Variants in RC3H2 observed in about 807,000 individuals in gnomAD.
The protein encoded by RC3H2 is roquin-2.
A neutral mutation model predicts 133.3 loss-of-function variants in RC3H2; 31 were observed. That is an observed-to-expected ratio of 0.23 (90% CI 0.17 to 0.31). The LOEUF (loss-of-function observed/expected upper bound fraction) is 0.31, where lower values mean the gene tolerates loss of function less well. Ranked by LOEUF, RC3H2 falls within the 10% of genes least tolerant of loss-of-function variation. The pLI is 1.00. For missense variants in RC3H2, 1,175 were observed against 1,437.2 expected, an observed-to-expected ratio of 0.82 and a Z score of 2.95; for synonymous variants, 517 against 502.2, an observed-to-expected ratio of 1.03 and a Z score of -0.40.
intron 9 of RC3H2, chr9:122,874,622 A>G (rs1327719356): frequency 1.3e-5 from 2 of 152,338 alleles, no homozygotes; most frequent in Admixed American, 1.3e-4. Flanking sequence ...AGTTCAAGCA[A>G]TCCTCCCACC....
At chr9:122,869,265 T>C (rs1281186008) in intron 9 of RC3H2, among the ~76,000 whole-genome samples, 1 of 152,154 alleles carries the variant, frequency 6.6e-6, no homozygotes, top group Non-Finnish European at 1.5e-5. Flanking sequence ...AGACTATACA[T>C]ATTTGGTGTC....
At position 122,902,838 on chromosome 9, in the gene RC3H2, G is replaced by A. The variant is rs867931974; in HGVS notation, c.-68+2272C>T. ...TGCACTCCAGCATGGGTGATAGAGA[G>A]AGACTGTCTCAAAAAAAAAAAAAAA... On this transcript the variant is annotated intron_variant, in intron 1 of 20. Transcript: ENST00000357244. Among the ~76,000 whole-genome samples the A allele has an allele frequency of 2.0e-4, 28 of 138,548 alleles. No individual in the cohort carries two copies. The South Asian group carries it at 6.1e-3, about 30-fold the overall frequency. The allele number at this position is 138,548 out of a possible 152,430, so 90.9% of individuals were successfully genotyped here.
At position 122,846,148 on chromosome 9, in the gene RC3H2, A is replaced by AT. The variant is rs1401932120; in HGVS notation, c.*3478dup. 2.0e-5 allele frequency: 3 copies of AT among 152,162 alleles called. No homozygotes were observed. Among genetic ancestry groups the AT allele is most frequent in the Non-Finnish European group, 4.4e-5 (3 of 68,014 alleles). 9.4% of individuals were successfully genotyped at this position (152,162 alleles called of 1,614,324 possible). ...CCTACAAATTGCCGTGCATCCTGTA[A>AT]TTTTCTCAAGGCAGCATATAAAATT... On this transcript the variant is annotated 3_prime_UTR_variant, in exon 21 of 21. Transcript: ENST00000357244.
chr9:122,869,702 A>G (rs529585258), intron 9 of RC3H2, among the ~76,000 whole-genome samples: 3 of 151,820 alleles, frequency 2.0e-5, no homozygotes, highest in Admixed American at 6.6e-5. Context: ...ACAGGTGCAC[A>G]TTATAGGCGC....
intron 20 of RC3H2, among the ~76,000 whole-genome samples, chr9:122,850,698 A>T (rs1223508124): frequency 6.6e-6 from 1 of 152,066 alleles, no homozygotes; most frequent in Non-Finnish European, 1.5e-5. Flanking sequence ...CAGCCTTCCA[A>T]AGTGCTGGGA....
At chr9:122,873,943 G>A (rs148448704) in intron 9 of RC3H2, 12,513 of 151,954 alleles carry the variant, frequency 0.082, 1,656 homozygotes, top group East Asian at 0.6. Flanking sequence ...TCAGCCTCCC[G>A]AGCAGCTGGG....
At chr9:122,896,837 A>G (rs1464491935) in intron 2 of RC3H2, among the ~76,000 whole-genome samples, 2 of 151,958 alleles carry the variant, frequency 1.3e-5, no homozygotes, top group African/African-American at 2.4e-5. Flanking sequence ...AGCCTGGCCA[A>G]CATAGTGAAA....
rs1387976668 is a variant in RC3H2, at chr9:122,844,927, ATTATT to A, written c.*4695_*4699del. 2 of 152,232 alleles carry A rather than the reference ATTATT, an allele frequency of 1.3e-5. No homozygotes were observed. The highest frequency in any genetic ancestry group is 2.4e-5 in the African/African-American group (1 of 41,454). 9.4% of individuals were successfully genotyped at this position (152,232 alleles called of 1,614,324 possible). A position where few individuals can be genotyped will look rare whatever the true frequency, so the allele number is the denominator to read the frequency against. Reference sequence around the variant, plus strand: ...TATATTCCCCATTTCATTGTACAGAATTATTTTAAATTATAGTTTTAAATAGAAGC... The same window carrying A: ...TATATTCCCCATTTCATTGTACAGAATTAAATTATAGTTTTAAATAGAAGC... On this transcript the variant is annotated 3_prime_UTR_variant, in exon 21 of 21. Coordinates refer to ENST00000357244, the MANE Select transcript of RC3H2 (RefSeq NM_001100588.3).
At chr9:122,866,634 T>C (rs1260109054) in intron 9 of RC3H2, among the ~76,000 whole-genome samples, 1 of 152,148 alleles carries the variant, frequency 6.6e-6, no homozygotes, top group Non-Finnish European at 1.5e-5. Context: ...CTCCAGCTCC[T>C]AGCCGCGAGT....
chr9:122,854,354 C>T (rs894187816), intron 16 of RC3H2, 88 bp from the exon 17 acceptor site: 2 of 1,300,558 alleles, frequency 1.5e-6, no homozygotes, highest in Non-Finnish European at 2.2e-6. Flanking sequence ...TGTGACAGAT[C>T]AACCCTGAAA....
At chr9:122,893,112 G>T (rs1282497040) in intron 2 of RC3H2, 86 bp from the exon 3 acceptor site, 1 of 1,497,718 alleles carries the variant, frequency 6.7e-7, no homozygotes, top group Non-Finnish European at 8.9e-7. Context: ...AATAATCTTG[G>T]TGAGTATAAA....
intron 8 of RC3H2, among the ~76,000 whole-genome samples, chr9:122,878,431 C>T (rs956655036): frequency 3.3e-5 from 5 of 152,028 alleles, no homozygotes; most frequent in Admixed American, 6.6e-5. Flanking sequence ...CCACCACGCC[C>T]GGCTAATTTT....
intron 9 of RC3H2, among the ~76,000 whole-genome samples, chr9:122,870,413 CAAAA>C (rs1192325454): frequency 5.0e-4 from 19 of 37,820 alleles, no homozygotes; most frequent in African/African-American, 1.5e-3. Flanking sequence ...AACAAACAAA[CAAAA>C]AAAAAACAAC....
At chr9:122,887,166 G>A (rs1831952423) in intron 4 of RC3H2, among the ~76,000 whole-genome samples, 1 of 152,138 alleles carries the variant, frequency 6.6e-6, no homozygotes, top group African/African-American at 2.4e-5. Context: ...ATTTGGGGAT[G>A]TAAAATTGTG....
intron 18 of RC3H2, among the ~76,000 whole-genome samples, chr9:122,852,164 T>C (rs1402356104): frequency 1.5e-5 from 2 of 134,154 alleles, no homozygotes; most frequent in Non-Finnish European, 3.1e-5. Context: ...GTCTGGGATG[T>C]GAGGAATGCC....
At position 122,845,372 on chromosome 9, in the gene RC3H2, T is replaced by G. The variant is rs564425858; in HGVS notation, c.*4255A>C. 9.9e-5 allele frequency: 15 copies of G among 152,266 alleles called. No individual in the cohort carries two copies. The highest frequency in any genetic ancestry group is 3.6e-4 in the African/African-American group (15 of 41,554). 9.4% of individuals were successfully genotyped at this position (152,266 alleles called of 1,614,324 possible). On this transcript the variant is annotated 3_prime_UTR_variant, in exon 21 of 21. Coordinates refer to ENST00000357244, the MANE Select transcript of RC3H2 (RefSeq NM_001100588.3). ...GTGTTGTATCACAACTACAGTATAATTGTTTGCCCAGCTAAGAGAATGCAT... is the reference window on the plus strand; with the variant it reads ...GTGTTGTATCACAACTACAGTATAAGTGTTTGCCCAGCTAAGAGAATGCAT...
intron 9 of RC3H2, among the ~76,000 whole-genome samples, chr9:122,870,421 AAAC>A (rs1831033363): frequency 6.6e-6 from 1 of 151,642 alleles, no homozygotes; most frequent in Non-Finnish European, 1.5e-5. Flanking sequence ...AACAAAAAAA[AAAC>A]AACAAACTGA....
chr9:122,870,582 A>G (rs1831044097), intron 9 of RC3H2, among the ~76,000 whole-genome samples: 1 of 152,228 alleles, frequency 6.6e-6, no homozygotes, highest in African/African-American at 2.4e-5. Context: ...GTATTGGGGC[A>G]GCTAAAGGCT....
chr9:122,888,505 T>C (rs1420130227), intron 4 of RC3H2, among the ~76,000 whole-genome samples: 1 of 152,226 alleles, frequency 6.6e-6, no homozygotes, highest in Non-Finnish European at 1.5e-5. Flanking sequence ...TTTGCCATTG[T>C]TTCTTTTGGA....
Sources: allele counts gnomAD v4.1 joint callset (sites outside exome capture counted in the v4.1 genomes callset), GRCh38; gene constraint gnomAD v4.1.1; transcripts MANE v1.5; gene names NCBI Gene and HGNC (gene_info 2026-07-23, HGNC 2026-07-21).